Variants in UMAD1 observed in about 807,000 individuals in gnomAD.
The protein encoded by UMAD1 is UBAP1-MVB12-associated (UMA) domain containing 1.
UMAD1 carries 8 observed loss-of-function variants against 6.1 expected under a neutral mutation model. The ratio of observed to expected loss-of-function variants is 1.30; its 90% CI spans 0.76 to 2.35. The LOEUF (loss-of-function observed/expected upper bound fraction) is 2.35. Ranked by LOEUF, UMAD1 falls within the 30% of genes most tolerant of loss-of-function variation. The probability of loss-of-function intolerance (pLI) is 0.00; values close to 1 mark genes in which losing one functional copy is unlikely to be tolerated. For missense variants in UMAD1, 130 were observed against 78.4 expected (o/e 1.66, Z -2.49); for synonymous variants, 56 against 31.4 (o/e 1.78, Z -2.61).
At chr7:7,822,804 A>G (rs1015032430) in intron 3 of UMAD1, among the ~76,000 whole-genome samples, 1 of 152,124 alleles carries the variant, frequency 6.6e-6, no homozygotes, top group Non-Finnish European at 1.5e-5. Context: ...ACATATTAGT[A>G]AGACTTCTAT....
intron 2 of UMAD1, among the ~76,000 whole-genome samples, chr7:7,699,265 A>G (rs1285707962): frequency 6.6e-6 from 1 of 152,154 alleles, no homozygotes; most frequent in African/African-American, 2.4e-5. Flanking sequence ...TTTTAATAAT[A>G]TAACAGATTT....
At chr7:7,722,019 T>C (rs1356128764) in intron 2 of UMAD1, among the ~76,000 whole-genome samples, 1 of 152,112 alleles carries the variant, frequency 6.6e-6, no homozygotes, top group Non-Finnish European at 1.5e-5. Context: ...GGATGCTTCC[T>C]GTCCTTGAAC....
rs186186294 is a variant in UMAD1, at chr7:7,665,731, C to G, written c.-63-7578C>G. Reference sequence around the variant, plus strand: ...CCCCAGGCAACCTCTGATATACTTTCTTTCACTGTACACTAGTTTGTATTT... The same window carrying G: ...CCCCAGGCAACCTCTGATATACTTTGTTTCACTGTACACTAGTTTGTATTT... On this transcript the variant is annotated intron_variant, in intron 1 of 3. Transcript: ENST00000682710. 3.0e-4 allele frequency among the ~76,000 whole-genome samples: 45 copies of G among 152,124 alleles called. No individual in the cohort carries two copies. The East Asian group carries it at 8.3e-3, about 28-fold the overall frequency.
At chr7:7,853,480 T>C (rs7807974) in intron 3 of UMAD1, among the ~76,000 whole-genome samples, 20,973 of 152,068 alleles carry the variant, frequency 0.14, 2,033 homozygotes, top group Non-Finnish European at 0.19. Flanking sequence ...TAGGTCTTAA[T>C]TTTTTTCTAT....
intron 3 of UMAD1, among the ~76,000 whole-genome samples, chr7:7,802,887 T>G (rs1049551023): frequency 2.0e-5 from 3 of 152,186 alleles, no homozygotes; most frequent in Non-Finnish European, 4.4e-5. Context: ...TTTTTTATAT[T>G]TATATTTTTC....
At position 7,835,605 on chromosome 7, in the gene UMAD1, G is replaced by A. The variant is rs150758602; in HGVS notation, c.156+33862G>A. Among the ~76,000 whole-genome samples the A allele has an allele frequency of 2.9e-4, 43 of 150,132 alleles. No individual in the cohort carries two copies. In the East Asian group the frequency reaches 8.4e-3, roughly 29 times the overall value. ...TACAATAAATAAAATAATTCTAATA[G>A]TAGTAAGTGCTATGAAGAAAACACA... On this transcript the variant is annotated intron_variant, in intron 3 of 3. Transcript: ENST00000682710.
At chr7:7,642,233 T>TC (rs1343343101) in intron 1 of UMAD1, among the ~76,000 whole-genome samples, 8 of 151,974 alleles carry the variant, frequency 5.3e-5, no homozygotes, top group African/African-American at 1.7e-4. Context: ...CTCGTAGGCT[T>TC]AAGCGATCCT....
chr7:7,651,454 C>T (rs1785221622), intron 1 of UMAD1, among the ~76,000 whole-genome samples: 1 of 152,192 alleles, frequency 6.6e-6, no homozygotes, highest in Non-Finnish European at 1.5e-5. Flanking sequence ...AGGCTTGAGG[C>T]TGGGGCCTTT....
At position 7,799,969 on chromosome 7, in the gene UMAD1, C is replaced by T. The variant is rs528552334; in HGVS notation, c.83-1701C>T. Among the ~76,000 whole-genome samples, 15 of 152,292 alleles carry T rather than the reference C, an allele frequency of 9.8e-5. No homozygotes were observed. In the South Asian group the frequency reaches 1.2e-3, roughly 13 times the overall value. ...CGCGTTCTCGGCTCACTGCAACCTC[C>T]GCCTCCTGGGTTCAAGTGATTCTCC... On this transcript the variant is annotated intron_variant, in intron 2 of 3. Transcript: ENST00000682710.
At chr7:7,799,934 A>G (rs556976494) in intron 2 of UMAD1, among the ~76,000 whole-genome samples, 2 of 152,322 alleles carry the variant, frequency 1.3e-5, no homozygotes, top group Admixed American at 1.3e-4. Context: ...CCCAGGCTGG[A>G]GTGCAATGGC....
intron 1 of UMAD1, among the ~76,000 whole-genome samples, chr7:7,646,553 A>G (rs554955927): frequency 1.9e-4 from 26 of 136,064 alleles, no homozygotes; most frequent in Non-Finnish European, 3.2e-4. Flanking sequence ...GCTTTCCGCC[A>G]TGATTGTGAG....
chr7:7,836,074 T>G (rs533492696), intron 3 of UMAD1, among the ~76,000 whole-genome samples: 13 of 152,194 alleles, frequency 8.5e-5, no homozygotes, highest in African/African-American at 3.1e-4. Context: ...GTCTTAAAGA[T>G]TCCATTTAAT....
At chr7:7,829,639 C>T (rs962201735) in intron 3 of UMAD1, among the ~76,000 whole-genome samples, 9 of 152,082 alleles carry the variant, frequency 5.9e-5, no homozygotes, top group Non-Finnish European at 1.3e-4. Flanking sequence ...AAGAAACATA[C>T]GTTTCATATT....
chr7:7,858,166 G>A (rs910024258), intron 3 of UMAD1, among the ~76,000 whole-genome samples: 5 of 152,222 alleles, frequency 3.3e-5, no homozygotes, highest in African/African-American at 1.2e-4. Flanking sequence ...TGCTCATTCA[G>A]TGTGAACTGA....
Position 7,665,545 on chromosome 7 carries a change from G to C in UMAD1, c.-63-7764G>C, listed in dbSNP as rs541781454. 3.3e-5 allele frequency among the ~76,000 whole-genome samples: 5 copies of C among 152,324 alleles called. No homozygotes were observed. The South Asian group carries it at 8.3e-4, about 25-fold the overall frequency. On this transcript the variant is annotated intron_variant, in intron 1 of 3. Coordinates refer to ENST00000682710, the MANE Select transcript of UMAD1 (RefSeq NM_001302348.2). ...AAAGAACTTTATTGAGATTGGATCAGTAACACATTGAAAATATACAATTTG... is the reference window on the plus strand; with the variant it reads ...AAAGAACTTTATTGAGATTGGATCACTAACACATTGAAAATATACAATTTG...
intron 2 of UMAD1, among the ~76,000 whole-genome samples, chr7:7,781,321 C>A (rs1300315060): frequency 2.0e-5 from 3 of 152,032 alleles, no homozygotes; most frequent in African/African-American, 4.8e-5. Context: ...AGCTTCCCCT[C>A]CCGACCTTAT....
At chr7:7,839,604 C>T (rs1365629252) in intron 3 of UMAD1, among the ~76,000 whole-genome samples, 2 of 152,052 alleles carry the variant, frequency 1.3e-5, no homozygotes, top group African/African-American at 2.4e-5. Flanking sequence ...CTTACAATAG[C>T]ATGTTCGAAT....
chr7:7,866,480 T>C (rs1314917222), intron 3 of UMAD1, among the ~76,000 whole-genome samples: 2 of 152,132 alleles, frequency 1.3e-5, no homozygotes, highest in African/African-American at 4.8e-5. Flanking sequence ...GAAGGGCAAA[T>C]TGAAATAGGC....
chr7:7,760,076 C>A (rs1045499775), intron 2 of UMAD1, among the ~76,000 whole-genome samples: 2 of 152,114 alleles, frequency 1.3e-5, no homozygotes, highest in Non-Finnish European at 2.9e-5. Context: ...GCTTTGTTTT[C>A]TGGAACACTT....
Sources: allele counts gnomAD v4.1 joint callset (sites outside exome capture counted in the v4.1 genomes callset), GRCh38; gene constraint gnomAD v4.1.1; transcripts MANE v1.5; gene names NCBI Gene and HGNC (gene_info 2026-07-23, HGNC 2026-07-21).